The following TRMO variants were observed in gnomAD, a reference collection of about 807,000 sequenced individuals.
TRMO encodes the protein tRNA methyltransferase O.
In TRMO, 30 loss-of-function variants were observed where a neutral mutation model predicts 37.2. That is an observed-to-expected ratio of 0.81 (90% CI 0.60 to 1.09). TRMO has a LOEUF of 1.09. Ranked by LOEUF, TRMO falls within the 50% of genes least tolerant of loss-of-function variation. The probability of loss-of-function intolerance (pLI) is 0.00; values close to 1 mark genes in which losing one functional copy is unlikely to be tolerated. For missense variants in TRMO, 552 were observed against 549.5 expected (o/e 1.00, Z -0.05); for synonymous variants, 239 against 199.4 (o/e 1.20, Z -1.67).
intron 2 of TRMO, chr9:97,915,717 CAATT>C (rs1020497850): frequency 6.6e-6 from 1 of 152,382 alleles, no homozygotes; most frequent in African/African-American, 2.4e-5. Flanking sequence ...TGAGTTATCT[CAATT>C]GATTGTTCAC....
the TRMO span, among the ~76,000 whole-genome samples, chr9:97,898,837 A>T: frequency 2.1e-5 from 1 of 47,620 alleles, no homozygotes; most frequent in Non-Finnish European, 3.5e-5. Flanking sequence ...ATATATATAT[A>T]CTTTTTTTTT....
the TRMO span, among the ~76,000 whole-genome samples, chr9:97,898,321 T>C: frequency 6.6e-6 from 1 of 152,164 alleles, no homozygotes; most frequent in South Asian, 2.1e-4. Context: ...ATGACTTACC[T>C]AGATCAGGAA....
chr9:97,921,452 C>T (rs1826627398), intron 1 of TRMO, among the ~76,000 whole-genome samples: 2 of 146,176 alleles, frequency 1.4e-5, no homozygotes, highest in South Asian at 4.2e-4. Flanking sequence ...GAGACGGAGT[C>T]TCGCTCTGTC....
the TRMO span, among the ~76,000 whole-genome samples, chr9:97,897,525 C>T: frequency 6.6e-6 from 1 of 152,222 alleles, no homozygotes; most frequent in Non-Finnish European, 1.5e-5. Flanking sequence ...TTTGGACTAT[C>T]ATTTGCTGAC....
At chr9:97,911,583 A>T (rs1826126683) in intron 3 of TRMO, 1 of 152,242 alleles carries the variant, frequency 6.6e-6, no homozygotes, top group African/African-American at 2.4e-5. Flanking sequence ...TGACCCACAG[A>T]TACATAATAA....
downstream of TRMO, chr9:97,900,731 G>A: frequency 1.0e-6 from 1 of 974,198 alleles, no homozygotes; most frequent in Non-Finnish European, 1.2e-6. Context: ...TTCAGTAAGT[G>A]ATGCAGGCTT....
chr9:97,920,021 G>A (rs1826552442), intron 1 of TRMO, among the ~76,000 whole-genome samples: 1 of 152,178 alleles, frequency 6.6e-6, no homozygotes, highest in Admixed American at 6.5e-5. Context: ...TGGGGATAAT[G>A]CTATGAAATA....
chr9:97,902,998 G>C (rs1825716695), downstream of TRMO, among the ~76,000 whole-genome samples: 1 of 152,174 alleles, frequency 6.6e-6, no homozygotes, highest in Non-Finnish European at 1.5e-5. Context: ...CAGGCACAGT[G>C]GCTCATGCCT....
intron 3 of TRMO, chr9:97,911,596 T>A (rs953092010): frequency 6.6e-6 from 1 of 152,234 alleles, no homozygotes; most frequent in Non-Finnish European, 1.5e-5. Context: ...CATAATAATG[T>A]TTCAAACACA....
chr9:97,914,986 T>C (rs1826289025), intron 2 of TRMO, among the ~76,000 whole-genome samples: 1 of 152,232 alleles, frequency 6.6e-6, no homozygotes. Context: ...TTAACTTAAA[T>C]AATTCAATCA....
downstream of TRMO, among the ~76,000 whole-genome samples, chr9:97,904,001 G>A (rs926359928): frequency 7.9e-5 from 12 of 152,156 alleles, no homozygotes; most frequent in Admixed American, 2.0e-4. Flanking sequence ...AGAATTGCTC[G>A]AACCTGGGAG....
chr9:97,897,771 A>G, the TRMO span, among the ~76,000 whole-genome samples: 8 of 152,370 alleles, frequency 5.3e-5, no homozygotes, highest in South Asian at 1.7e-3. Flanking sequence ...AGAGTTAGAT[A>G]TATTAGCAAA....
intron 3 of TRMO, chr9:97,911,219 T>C (rs923756286): frequency 6.2e-4 from 128 of 207,136 alleles, no homozygotes; most frequent in African/African-American, 2.8e-3. Context: ...AGAGGTATGA[T>C]GTCCCTCCAG....
At chr9:97,906,841 C>CAAA in intron 4 of TRMO, among the ~76,000 whole-genome samples, 1 of 125,506 alleles carries the variant, frequency 8.0e-6, no homozygotes, top group South Asian at 2.4e-4. Flanking sequence ...GACTCCGTCT[C>CAAA]AAAAAAAAAA....
At position 97,909,980 on chromosome 9, in the gene TRMO, A is replaced by G; in HGVS notation, c.1046T>C (p.Leu349Pro). The part of the protein sequence containing the change: ...VRFTPHAEMD[L>P]GQLSSQDVGQ... ...GATACCTTGTGAACTGAGCTGCCCA[A>G]GGTCCATCTCGGCATGAGGAGTAAA... Residue 349 changes from leucine to proline, a missense_variant, in exon 4 of 5, where the codon CTT (leucine) becomes CCT (proline). Coordinates refer to ENST00000375119, the MANE Select transcript of TRMO (RefSeq NM_016481.5). 1 of 1,550,244 alleles carries G rather than the reference A, an allele frequency of 6.5e-7. No individual in the cohort carries two copies. Among genetic ancestry groups the G allele is most frequent in the Non-Finnish European group, 8.7e-7 (1 of 1,149,344 alleles).
intron 3 of TRMO, chr9:97,911,156 T>C: frequency 3.9e-6 from 1 of 254,810 alleles, no homozygotes; most frequent in South Asian, 3.4e-5. Context: ...CATGCCCTTA[T>C]ATAATCCTTC....
chr9:97,914,598 T>TATTA (rs1826268183), intron 2 of TRMO, among the ~76,000 whole-genome samples: 1 of 152,156 alleles, frequency 6.6e-6, no homozygotes, highest in African/African-American at 2.4e-5. Flanking sequence ...TCACAGTTAT[T>TATTA]ATAACAACAA....
At chr9:97,915,874 C>G (rs982262309) in intron 2 of TRMO, 28 of 226,966 alleles carry the variant, frequency 1.2e-4, no homozygotes, top group African/African-American at 5.8e-4. Context: ...CCATCTCTAC[C>G]AAAAATACAA....
chr9:97,914,008 T>G (rs761923520), intron 2 of TRMO: 1 of 154,280 alleles, frequency 6.5e-6, no homozygotes, highest in African/African-American at 2.4e-5. Context: ...CTTTTTCCAT[T>G]TGGCATGACT....
Sources: gnomAD v4.1 joint callset for allele counts (sites outside exome capture counted in the v4.1 genomes callset) on GRCh38, gnomAD v4.1.1 for gene constraint, MANE v1.5 for transcripts, NCBI Gene and HGNC (gene_info 2026-07-23, HGNC 2026-07-21) for gene names.